Variants in CNTLN observed in about 807,000 individuals in gnomAD.
The protein encoded by CNTLN is centlein, centrosomal protein.
CNTLN carries 212 observed loss-of-function variants against 180.0 expected under a neutral mutation model. The ratio of observed to expected loss-of-function variants is 1.18; its 90% CI spans 1.05 to 1.32. The LOEUF is 1.32. Ranked by LOEUF, CNTLN falls within the 40% of genes most tolerant of loss-of-function variation. The pLI is 0.00. For synonymous variants in CNTLN, 722 were observed against 563.1 expected (o/e 1.28, Z -3.99); for missense variants, 2,095 against 1,610.9 (o/e 1.30, Z -5.14).
chr9:17,490,110 G>T (rs986566268), intron 25 of CNTLN, among the ~76,000 whole-genome samples: 2 of 152,102 alleles, frequency 1.3e-5, no homozygotes, highest in African/African-American at 2.4e-5. Context: ...AGGAAAAGTA[G>T]GCTGGGACCA....
intron 13 of CNTLN, among the ~76,000 whole-genome samples, chr9:17,372,494 A>C (rs1824408358): frequency 6.6e-6 from 1 of 152,168 alleles, no homozygotes; most frequent in South Asian, 2.1e-4. Flanking sequence ...AGAGGCTCCC[A>C]GCAAAGAAAC....
intron 18 of CNTLN, among the ~76,000 whole-genome samples, chr9:17,450,829 T>C (rs914843074): frequency 2.0e-4 from 29 of 143,716 alleles, no homozygotes; most frequent in Non-Finnish European, 4.0e-4. Context: ...GCCTAAGGGT[T>C]TTTTTTGGTT....
At position 17,234,614 on chromosome 9, in the gene CNTLN, T is replaced by C. The variant is rs78409667; in HGVS notation, c.535-1044T>C. Among the ~76,000 whole-genome samples, 543 of 152,140 alleles carry C rather than the reference T, an allele frequency of 3.6e-3. 1 individual carries two copies. The highest frequency in any genetic ancestry group is 0.013 in the African/African-American group (525 of 41,498). ...AATGTGAGAGTATAAAATAAATCGATATTTAGGGATCAGCACCAGTGATAG... is the reference window on the plus strand; with the variant it reads ...AATGTGAGAGTATAAAATAAATCGACATTTAGGGATCAGCACCAGTGATAG... On this transcript the variant is annotated intron_variant, in intron 3 of 25. Coordinates refer to ENST00000380647, the MANE Select transcript of CNTLN (RefSeq NM_017738.4).
At position 17,363,245 on chromosome 9, in the gene CNTLN, G is replaced by A. The variant is rs551851285; in HGVS notation, c.1887-3372G>A. Among the ~76,000 whole-genome samples, 8 of 152,240 alleles carry A rather than the reference G, an allele frequency of 5.3e-5. No individual in the cohort carries two copies. In the South Asian group the frequency reaches 1.5e-3, roughly 28 times the overall value. ...AATCCTCTGGGTATACCCAGTAATG[G>A]GATTGCTGGGTCAAATAGTATTTCT... On this transcript the variant is annotated intron_variant, in intron 12 of 25. Coordinates refer to ENST00000380647, the MANE Select transcript of CNTLN (RefSeq NM_017738.4).
At chr9:17,215,199 C>T (rs1823649054) in intron 2 of CNTLN, among the ~76,000 whole-genome samples, 1 of 152,186 alleles carries the variant, frequency 6.6e-6, no homozygotes, top group African/African-American at 2.4e-5. Flanking sequence ...TACCTTTGGT[C>T]TTTGATGATG....
chr9:17,291,555 T>G (rs554778861), intron 6 of CNTLN, among the ~76,000 whole-genome samples: 4 of 152,332 alleles, frequency 2.6e-5, no homozygotes, highest in Non-Finnish European at 4.4e-5. Context: ...TTTACCATTA[T>G]GTAATGCCCC....
chr9:17,485,969 G>A (rs1176027977), intron 24 of CNTLN, among the ~76,000 whole-genome samples: 2 of 152,132 alleles, frequency 1.3e-5, no homozygotes, highest in African/African-American at 4.8e-5. Flanking sequence ...CTGCCTCTGG[G>A]CAGGTGGAAT....
At chr9:17,228,640 G>C (rs1228588928) in intron 3 of CNTLN, among the ~76,000 whole-genome samples, 2 of 152,006 alleles carry the variant, frequency 1.3e-5, no homozygotes, top group Non-Finnish European at 2.9e-5. Context: ...GGCAGAGTCT[G>C]TTTCTCTTTC....
intron 12 of CNTLN, among the ~76,000 whole-genome samples, chr9:17,362,310 A>G (rs1453268490): frequency 6.6e-6 from 1 of 152,036 alleles, no homozygotes; most frequent in Non-Finnish European, 1.5e-5. Context: ...CAAATCAGGA[A>G]CCTAATCCAA....
intron 2 of CNTLN, 100 bp downstream of exon 2, chr9:17,143,476 C>A: frequency 1.2e-6 from 1 of 835,866 alleles, no homozygotes; most frequent in Non-Finnish European, 1.9e-6. Flanking sequence ...TAAAGAGATT[C>A]ATTTAATTTC....
chr9:17,299,467 T>A (rs1001352222), intron 7 of CNTLN: 1 of 981,094 alleles, frequency 1.0e-6, no homozygotes, highest in Non-Finnish European at 1.2e-6. Context: ...AAAAAATCAC[T>A]GTGAAAATCG....
intron 14 of CNTLN, among the ~76,000 whole-genome samples, chr9:17,392,211 ACCATGATCGAG>A (rs964141672): frequency 9.2e-5 from 14 of 152,124 alleles, no homozygotes; most frequent in African/African-American, 3.4e-4. Context: ...AGGCTGAAAA[ACCATGATCGAG>A]CCATGGCACT....
intron 5 of CNTLN, among the ~76,000 whole-genome samples, chr9:17,266,980 G>T (rs868103412): frequency 6.6e-6 from 1 of 152,116 alleles, no homozygotes; most frequent in African/African-American, 2.4e-5. Context: ...GATGGGTCTT[G>T]ACTCTTTATC....
intron 6 of CNTLN, among the ~76,000 whole-genome samples, chr9:17,285,101 C>T (rs1213617555): frequency 6.7e-6 from 1 of 150,218 alleles, no homozygotes; most frequent in Non-Finnish European, 1.5e-5. Context: ...TGCGCTGCAC[C>T]CACTAACTCG....
At chr9:17,154,902 C>T (rs1001963089) in intron 2 of CNTLN, among the ~76,000 whole-genome samples, 2 of 152,200 alleles carry the variant, frequency 1.3e-5, no homozygotes, top group African/African-American at 4.8e-5. Context: ...TGTTCTTTTG[C>T]TCTTCACAAT....
At chr9:17,305,232 A>C (rs150389006) in intron 7 of CNTLN, among the ~76,000 whole-genome samples, 1 of 152,192 alleles carries the variant, frequency 6.6e-6, no homozygotes, top group Non-Finnish European at 1.5e-5. Flanking sequence ...AGAAAATAGC[A>C]TGAAGAATAG....
intron 18 of CNTLN, among the ~76,000 whole-genome samples, chr9:17,439,188 C>A (rs1829962358): frequency 6.6e-6 from 1 of 152,014 alleles, no homozygotes; most frequent in South Asian, 2.1e-4. Context: ...ATAAATAATT[C>A]ATGTATTGAT....
intron 2 of CNTLN, among the ~76,000 whole-genome samples, chr9:17,201,602 G>A (rs1822533822): frequency 6.6e-6 from 1 of 152,132 alleles, no homozygotes; most frequent in South Asian, 2.1e-4. Context: ...ATTTCCTCTA[G>A]ATTTTCTAGT....
chr9:17,399,027 C>T lies in CNTLN; in HGVS notation c.2615+3958C>T, dbSNP rs577014061. Among the ~76,000 whole-genome samples the T allele has an allele frequency of 1.4e-4, 22 of 152,324 alleles. No homozygotes were observed. In the East Asian group the frequency reaches 4.3e-3, roughly 29 times the overall value. ...AAGCTACGTTAACACATTTTACCAA[C>T]TAGCCTTCATCTACCATTAGTTTTC... On this transcript the variant is annotated intron_variant, in intron 15 of 25. Coordinates refer to ENST00000380647, the MANE Select transcript of CNTLN (RefSeq NM_017738.4).
Sources: allele counts gnomAD v4.1 joint callset (sites outside exome capture counted in the v4.1 genomes callset), GRCh38; gene constraint gnomAD v4.1.1; transcripts MANE v1.5; gene names NCBI Gene and HGNC (gene_info 2026-07-23, HGNC 2026-07-21).